The following TRPM3 variants were observed in gnomAD, a reference collection of about 807,000 sequenced individuals.
The protein encoded by TRPM3 is transient receptor potential cation channel subfamily M member 3.
TRPM3 carries 77 observed loss-of-function variants against 181.2 expected under a neutral mutation model. That is an observed-to-expected ratio of 0.42 (90% CI 0.35 to 0.51). The LOEUF (loss-of-function observed/expected upper bound fraction) is 0.51, where lower values mean the gene tolerates loss of function less well. Among genes scored for constraint, TRPM3 ranks in the 20% least tolerant of loss-of-function variants. TRPM3 has a pLI of 0.01. For missense variants in TRPM3, 1,759 were observed against 2,196.7 expected, an observed-to-expected ratio of 0.80 and a Z score of 3.98; for synonymous variants, 745 against 796.4, an observed-to-expected ratio of 0.94 and a Z score of 1.09.
At chr9:71,144,923 T>C (rs1022329553) in intron 1 of TRPM3, among the ~76,000 whole-genome samples, 1 of 152,178 alleles carries the variant, frequency 6.6e-6, no homozygotes, top group African/African-American at 2.4e-5. Context: ...AAATAAGCCT[T>C]GGCATGCATG....
intron 1 of TRPM3, among the ~76,000 whole-genome samples, chr9:71,139,000 G>A (rs757468999): frequency 2.0e-5 from 3 of 152,030 alleles, no homozygotes; most frequent in Non-Finnish European, 2.9e-5. Context: ...CTCTTAATTT[G>A]GTAGCATAAC....
chr9:71,020,226 G>T (rs2097833316), intron 1 of TRPM3, among the ~76,000 whole-genome samples: 1 of 151,996 alleles, frequency 6.6e-6, no homozygotes, highest in Non-Finnish European at 1.5e-5. Flanking sequence ...CAGCACTTTG[G>T]GAGGCTGAGG....
chr9:71,121,407 A>G lies in TRPM3; in HGVS notation c.-53T>C. 1 of 1,581,862 alleles carries G rather than the reference A, an allele frequency of 6.3e-7. No individual in the cohort carries two copies. The highest frequency in any genetic ancestry group is 8.6e-7 in the Non-Finnish European group (1 of 1,165,416). On this transcript the variant is annotated 5_prime_UTR_variant, in exon 1 of 26. Transcript: ENST00000677713. ...TCCATTAGGGCAGAGGCTTCCTGGA[A>G]CTTGGAAGACTAGTCAAGTAGCCTT...
chr9:70,657,785 C>T (rs1274213365), intron 9 of TRPM3, among the ~76,000 whole-genome samples: 1 of 152,126 alleles, frequency 6.6e-6, no homozygotes, highest in African/African-American at 2.4e-5. Context: ...AATCTCACAT[C>T]TTCGGGTCTG....
intron 1 of TRPM3, among the ~76,000 whole-genome samples, chr9:71,221,408 G>A (rs1336128336): frequency 6.6e-6 from 1 of 151,960 alleles, no homozygotes; most frequent in East Asian, 1.9e-4. Flanking sequence ...ATTTCTAGGA[G>A]CCAAATAAAA....
intron 1 of TRPM3, among the ~76,000 whole-genome samples, chr9:71,042,018 T>A (rs2058883613): frequency 6.6e-6 from 1 of 152,092 alleles, no homozygotes; most frequent in Admixed American, 6.6e-5. Flanking sequence ...AATCAATACA[T>A]ACACACACAC....
intron 1 of TRPM3, among the ~76,000 whole-genome samples, chr9:70,927,223 T>C (rs1371489765): frequency 6.6e-6 from 1 of 152,226 alleles, no homozygotes; most frequent in Non-Finnish European, 1.5e-5. Flanking sequence ...TTATCTTATA[T>C]AGAAGGTTTG....
intron 1 of TRPM3, among the ~76,000 whole-genome samples, chr9:71,024,217 A>G (rs2097871594): frequency 6.6e-6 from 1 of 152,228 alleles, no homozygotes; most frequent in African/African-American, 2.4e-5. Flanking sequence ...CTTTCTCAAT[A>G]AATTTGAGAG....
intron 1 of TRPM3, among the ~76,000 whole-genome samples, chr9:70,877,387 T>G (rs1201269378): frequency 6.6e-6 from 1 of 152,058 alleles, no homozygotes; most frequent in Non-Finnish European, 1.5e-5. Flanking sequence ...GGTTATTGCT[T>G]CTTTAAAGTG....
At chr9:71,291,298 G>A (rs1352297248) in intron 1 of TRPM3, among the ~76,000 whole-genome samples, 1 of 152,128 alleles carries the variant, frequency 6.6e-6, no homozygotes, top group Non-Finnish European at 1.5e-5. Context: ...AGCATAACAA[G>A]GAAGTAACCT....
rs183661989 is a variant in TRPM3 at position 71,013,760 on chromosome 9, G to T, written c.177+107418C>A. Among the ~76,000 whole-genome samples the T allele has an allele frequency of 1.6e-4, 25 of 151,990 alleles. No homozygotes were observed. The East Asian group carries it at 4.8e-3, about 29-fold the overall frequency. The stretch of plus-strand genomic sequence containing the variant: ...TTTTAAATTTTCATTATTCCTTGGT[G>T]TTTATCCATTGCCATCTCTTGTTTT... On this transcript the variant is annotated intron_variant, in intron 1 of 25. Coordinates refer to ENST00000677713, the MANE Select transcript of TRPM3 (RefSeq NM_001366145.2).
chr9:71,213,509 G>A (rs1479287210), intron 1 of TRPM3, among the ~76,000 whole-genome samples: 3 of 151,998 alleles, frequency 2.0e-5, no homozygotes, highest in East Asian at 1.9e-4. Context: ...GCAATACTAT[G>A]TTTTGTTTTG....
intron 1 of TRPM3, among the ~76,000 whole-genome samples, chr9:71,253,777 A>C (rs1446176845): frequency 6.6e-6 from 1 of 152,212 alleles, no homozygotes; most frequent in African/African-American, 2.4e-5. Context: ...CAATATTCAC[A>C]GTAGCCAGTA....
At chr9:70,976,436 G>A (rs192253640) in intron 1 of TRPM3, among the ~76,000 whole-genome samples, 12 of 152,276 alleles carry the variant, frequency 7.9e-5, no homozygotes, top group Admixed American at 5.9e-4. Flanking sequence ...AGCATATGCC[G>A]GAGTAAAGAG....
intron 6 of TRPM3, chr9:70,793,645 C>T: frequency 4.2e-6 from 2 of 470,644 alleles, no homozygotes; most frequent in South Asian, 1.5e-5. Context: ...AGGCAGTCTT[C>T]ACCTGTCTTT....
chr9:70,917,562 A>ATTTTTTTTTTTTTTTT, intron 1 of TRPM3: 3 of 612,856 alleles, frequency 4.9e-6, no homozygotes, highest in Non-Finnish European at 6.0e-6. Context: ...AACAGTGTTA[A>ATTTTTTTTTTTTTTTT]GTTGTTATAT....
At chr9:70,589,424 A>C (rs1011411774) in intron 22 of TRPM3, among the ~76,000 whole-genome samples, 1 of 152,172 alleles carries the variant, frequency 6.6e-6, no homozygotes. Context: ...TGGGGGCTTA[A>C]TCTCATTTTG....
intron 8 of TRPM3, among the ~76,000 whole-genome samples, chr9:70,749,245 A>G (rs1266970353): frequency 6.6e-6 from 1 of 152,204 alleles, no homozygotes; most frequent in East Asian, 1.9e-4. Flanking sequence ...AAACAGACTT[A>G]GTACTCTAGT....
chr9:70,533,244 G>A lies in TRPM3; in HGVS notation c.*2709C>T, dbSNP rs1162507544. ...GAATGAGGCCTTGGAGGTGTTTGATGTCAATGAATAATGTTTTCACCTCCT... is the reference window on the plus strand; with the variant it reads ...GAATGAGGCCTTGGAGGTGTTTGATATCAATGAATAATGTTTTCACCTCCT... On this transcript the variant is annotated 3_prime_UTR_variant, in exon 26 of 26. Transcript: ENST00000677713. 2 of 152,130 alleles carry A rather than the reference G, an allele frequency of 1.3e-5. No individual in the cohort carries two copies. The allele number at this position is 152,130 out of a possible 1,614,324, so 9.4% of individuals were successfully genotyped here.
Sources: allele counts gnomAD v4.1 joint callset (sites outside exome capture counted in the v4.1 genomes callset), GRCh38; gene constraint gnomAD v4.1.1; transcripts MANE v1.5; gene names NCBI Gene and HGNC (gene_info 2026-07-23, HGNC 2026-07-21).